Variants in UNC13C observed in about 807,000 individuals in gnomAD.
UNC13C encodes the protein unc-13 homolog C.
UNC13C carries 174 observed loss-of-function variants against 245.4 expected under a neutral mutation model. That is an observed-to-expected ratio of 0.71 (90% CI 0.63 to 0.80). The LOEUF is 0.80. UNC13C is among the 30% of genes least tolerant of loss of function. The pLI is 0.00. For missense variants in UNC13C, 2,829 were observed against 2,602.9 expected, an observed-to-expected ratio of 1.09 and a Z score of -1.89; for synonymous variants, 992 against 895.1, an observed-to-expected ratio of 1.11 and a Z score of -1.93.
At chr15:54,315,067 T>A (rs2037975472) in intron 13 of UNC13C, among the ~76,000 whole-genome samples, 1 of 151,810 alleles carries the variant, frequency 6.6e-6, no homozygotes, top group Admixed American at 6.6e-5. Context: ...GCCGACTCAT[T>A]TGAATCCATC....
At chr15:53,948,818 G>A in the UNC13C span, among the ~76,000 whole-genome samples, 2 of 151,984 alleles carry the variant, frequency 1.3e-5, no homozygotes, top group Non-Finnish European at 2.9e-5. Flanking sequence ...AGCTGACACA[G>A]AGTAGGAAGT....
At chr15:54,603,201 TTGTCTC>T (rs1302555102) in intron 30 of UNC13C, among the ~76,000 whole-genome samples, 3 of 152,194 alleles carry the variant, frequency 2.0e-5, no homozygotes, top group Non-Finnish European at 4.4e-5. Context: ...ATTGCTTTGT[TTGTCTC>T]TGTGTGGATT....
chr15:53,910,885 A>T, the UNC13C span: 2 of 117,032 alleles, frequency 1.7e-5, no homozygotes, highest in South Asian at 3.1e-4. Context: ...TGGCGTAGTC[A>T]TGTACCTGAC....
chr15:54,229,159 G>C (rs1412533511), intron 4 of UNC13C, among the ~76,000 whole-genome samples: 1 of 152,136 alleles, frequency 6.6e-6, no homozygotes. Flanking sequence ...GCAAAGTCCT[G>C]CAATTACTGC....
intron 17 of UNC13C, among the ~76,000 whole-genome samples, chr15:54,353,208 T>C (rs189384093): frequency 6.7e-4 from 102 of 152,150 alleles, no homozygotes; most frequent in Non-Finnish European, 1.2e-3. Flanking sequence ...GAGGTAGACA[T>C]TAAAAAAATT....
chr15:54,412,617 A>G (rs1231574169), intron 18 of UNC13C, among the ~76,000 whole-genome samples: 1 of 152,244 alleles, frequency 6.6e-6, no homozygotes, highest in Non-Finnish European at 1.5e-5. Context: ...GTATACCAAA[A>G]TACATGATTT....
At chr15:53,849,748 T>C in the UNC13C span, among the ~76,000 whole-genome samples, 1 of 152,138 alleles carries the variant, frequency 6.6e-6, no homozygotes, top group African/African-American at 2.4e-5. Context: ...TCAATTATCA[T>C]GGAAGGGCAA....
At chr15:54,343,745 A>C (rs779909851) in intron 17 of UNC13C, among the ~76,000 whole-genome samples, 5 of 152,226 alleles carry the variant, frequency 3.3e-5, no homozygotes, top group Non-Finnish European at 7.3e-5. Flanking sequence ...GTTACACAGG[A>C]AGGCTACCCC....
chr15:54,350,955 G>T (rs2038968821), intron 17 of UNC13C, among the ~76,000 whole-genome samples: 1 of 152,082 alleles, frequency 6.6e-6, no homozygotes, highest in Admixed American at 6.5e-5. Context: ...ATATTTCACT[G>T]AAGACTATAG....
At chr15:53,970,184 C>G in the UNC13C span, among the ~76,000 whole-genome samples, 1 of 152,118 alleles carries the variant, frequency 6.6e-6, no homozygotes, top group Non-Finnish European at 1.5e-5. Flanking sequence ...ATTCTCCTGC[C>G]TCAGCCTCCC....
the UNC13C span, among the ~76,000 whole-genome samples, chr15:53,959,304 T>A: frequency 6.6e-6 from 1 of 152,168 alleles, no homozygotes; most frequent in Non-Finnish European, 1.5e-5. Flanking sequence ...TTGTATATAT[T>A]CTCAGCAGTG....
chr15:54,536,202 C>A (rs1006780021), intron 26 of UNC13C, among the ~76,000 whole-genome samples: 5 of 151,928 alleles, frequency 3.3e-5, no homozygotes, highest in African/African-American at 9.7e-5. Flanking sequence ...ATTACAGAGA[C>A]CTCTATGCAC....
chr15:54,300,199 C>T lies in UNC13C; in HGVS notation c.4105-11C>T, dbSNP rs2037540707. 1 of 1,592,074 alleles carries T rather than the reference C, an allele frequency of 6.3e-7. No individual in the cohort carries two copies. Among genetic ancestry groups the T allele is most frequent in the East Asian group, 2.3e-5 (1 of 44,330 alleles). ...GGAATCACTGAACAATTAAAAACCA[C>T]TTGCTTTTAGAATCTGTTCCATTAC... On this transcript the variant is annotated splice_polypyrimidine_tract_variant and intron_variant, in intron 12 of 32. Transcript: ENST00000260323.
At chr15:54,146,503 G>A (rs2032265594) in intron 4 of UNC13C, among the ~76,000 whole-genome samples, 1 of 152,138 alleles carries the variant, frequency 6.6e-6, no homozygotes, top group Non-Finnish European at 1.5e-5. Flanking sequence ...AGTGTTGCCA[G>A]AAAAGACATG....
the UNC13C span, among the ~76,000 whole-genome samples, chr15:53,941,727 C>G: frequency 8.5e-5 from 13 of 152,116 alleles, no homozygotes; most frequent in African/African-American, 2.9e-4. Flanking sequence ...AAAAAAACAA[C>G]CCCATTAAAA....
At chr15:54,486,024 G>A (rs1893384852) in intron 19 of UNC13C, among the ~76,000 whole-genome samples, 1 of 151,888 alleles carries the variant, frequency 6.6e-6, no homozygotes, top group Non-Finnish European at 1.5e-5. Flanking sequence ...ATATTGAATG[G>A]CATTTATTGT....
chr15:54,128,641 T>C (rs919896627), intron 2 of UNC13C, among the ~76,000 whole-genome samples: 3 of 152,298 alleles, frequency 2.0e-5, no homozygotes, highest in South Asian at 4.1e-4. Context: ...TGGTTTGACA[T>C]TTCTCTAGTG....
At chr15:54,403,907 C>A (rs1208964633) in intron 18 of UNC13C, among the ~76,000 whole-genome samples, 1 of 151,882 alleles carries the variant, frequency 6.6e-6, no homozygotes, top group African/African-American at 2.4e-5. Flanking sequence ...TACAAGAGAA[C>A]CTAAGTACAA....
the UNC13C span, among the ~76,000 whole-genome samples, chr15:53,885,783 G>A: frequency 6.6e-6 from 1 of 152,176 alleles, no homozygotes; most frequent in East Asian, 1.9e-4. Flanking sequence ...CAACCTCACT[G>A]AAGGGAGTGG....
Sources: gnomAD v4.1 joint callset for allele counts (sites outside exome capture counted in the v4.1 genomes callset) on GRCh38, gnomAD v4.1.1 for gene constraint, MANE v1.5 for transcripts, NCBI Gene and HGNC (gene_info 2026-07-23, HGNC 2026-07-21) for gene names.